The following ITGA9 variants were observed in gnomAD, a reference collection of about 807,000 sequenced individuals.
ITGA9 encodes integrin subunit alpha 9.
ITGA9 carries 56 observed loss-of-function variants against 127.8 expected under a neutral mutation model. That is an observed-to-expected ratio of 0.44 (90% CI 0.35 to 0.55). ITGA9 has a LOEUF of 0.55. Among genes scored for constraint, ITGA9 ranks in the 20% least tolerant of loss-of-function variants. The probability of loss-of-function intolerance (pLI) is 0.00; values close to 1 mark genes in which losing one functional copy is unlikely to be tolerated. For missense variants in ITGA9, 1,196 were observed against 1,347.1 expected (o/e 0.89, Z 1.76); for synonymous variants, 508 against 514.5 (o/e 0.99, Z 0.17).
chr3:37,610,918 T>G (rs1481064479), intron 15 of ITGA9, among the ~76,000 whole-genome samples: 1 of 152,310 alleles, frequency 6.6e-6, no homozygotes, highest in Non-Finnish European at 1.5e-5. Context: ...TGACACCATT[T>G]CTTTTGAGCT....
chr3:37,453,515 C>T (rs1311066008), intron 1 of ITGA9, among the ~76,000 whole-genome samples: 5 of 152,174 alleles, frequency 3.3e-5, no homozygotes, highest in Admixed American at 2.6e-4. Context: ...TATAAACAGC[C>T]ACACAGTGGT....
intron 1 of ITGA9, among the ~76,000 whole-genome samples, chr3:37,463,013 G>A (rs2125548655): frequency 6.6e-6 from 1 of 152,288 alleles, no homozygotes; most frequent in Non-Finnish European, 1.5e-5. Flanking sequence ...ACTCCACCAT[G>A]CCTGTCCCAT....
chr3:37,739,449 C>T (rs1423859563), intron 20 of ITGA9, among the ~76,000 whole-genome samples: 1 of 152,234 alleles, frequency 6.6e-6, no homozygotes, highest in East Asian at 1.9e-4. Context: ...TGACTCCCTG[C>T]TATGACGGAA....
intron 18 of ITGA9, among the ~76,000 whole-genome samples, chr3:37,695,853 A>G (rs1197737135): frequency 2.0e-5 from 3 of 152,240 alleles, no homozygotes; most frequent in Non-Finnish European, 4.4e-5. Flanking sequence ...TAAAATAAGA[A>G]ATGGGCATTT....
chr3:37,784,515 A>G (rs1270137146), intron 25 of ITGA9, among the ~76,000 whole-genome samples: 1 of 152,224 alleles, frequency 6.6e-6, no homozygotes, highest in African/African-American at 2.4e-5. Flanking sequence ...AAGAGCAAAG[A>G]AAGAGTTAAA....
intron 15 of ITGA9, among the ~76,000 whole-genome samples, chr3:37,596,809 GA>G (rs796780536): frequency 3.3e-5 from 5 of 152,194 alleles, no homozygotes; most frequent in South Asian, 2.1e-4. Flanking sequence ...CAGTGTGCCT[GA>G]AAAAAAGTCA....
rs1188544647 is a variant in ITGA9 at position 37,742,402 on chromosome 3, C to T, written c.2324+583C>T. Among the ~76,000 whole-genome samples, 3 of 152,174 alleles carry T rather than the reference C, an allele frequency of 2.0e-5. No individual in the cohort carries two copies. The East Asian group carries it at 5.8e-4, about 29-fold the overall frequency. On this transcript the variant is annotated intron_variant, in intron 21 of 27. Transcript: ENST00000264741. ...GCCACACTGTCTGTCTGGGTCAAGTCCACGGTCATTCAGTGCCGCTGGCAT... is the reference window on the plus strand; with the variant it reads ...GCCACACTGTCTGTCTGGGTCAAGTTCACGGTCATTCAGTGCCGCTGGCAT...
At chr3:37,636,269 T>C (rs1370160366) in intron 16 of ITGA9, among the ~76,000 whole-genome samples, 8 of 152,308 alleles carry the variant, frequency 5.3e-5, no homozygotes, top group African/African-American at 1.9e-4. Flanking sequence ...GTCTTCCTAT[T>C]TCTCCACATC....
chr3:37,742,492 A>G (rs1251417599), intron 21 of ITGA9, among the ~76,000 whole-genome samples: 1 of 152,220 alleles, frequency 6.6e-6, no homozygotes, highest in Non-Finnish European at 1.5e-5. Flanking sequence ...TCAGTTTTCA[A>G]CCAAAGCCCC....
At chr3:37,594,236 G>A (rs1165006499) in intron 15 of ITGA9, among the ~76,000 whole-genome samples, 2 of 152,226 alleles carry the variant, frequency 1.3e-5, no homozygotes, top group African/African-American at 4.8e-5. Context: ...CTGCCTGACT[G>A]GCAGTCTTCA....
At chr3:37,631,311 C>G (rs76492575) in intron 16 of ITGA9, among the ~76,000 whole-genome samples, 2,212 of 152,356 alleles carry the variant, frequency 0.015, 29 homozygotes, top group Non-Finnish European at 0.025. Context: ...TCCTGCAAGT[C>G]TGTCAGTGGC....
intron 19 of ITGA9, among the ~76,000 whole-genome samples, chr3:37,735,075 A>G (rs75904397): frequency 0.019 from 2,863 of 152,250 alleles, 83 homozygotes; most frequent in African/African-American, 0.065. Context: ...GCTAAGCCTC[A>G]TGGCTATACT....
chr3:37,490,276 C>T (rs1314595205), intron 4 of ITGA9, among the ~76,000 whole-genome samples: 1 of 152,064 alleles, frequency 6.6e-6, no homozygotes, highest in African/African-American at 2.4e-5. Context: ...CCAAAGAGAA[C>T]CAGGAAGTTA....
At chr3:37,697,473 T>C (rs891974725) in intron 18 of ITGA9, among the ~76,000 whole-genome samples, 2 of 152,152 alleles carry the variant, frequency 1.3e-5, no homozygotes, top group East Asian at 1.9e-4. Flanking sequence ...CTCCTAATGC[T>C]GTCCCTCCCC....
chr3:37,516,337 C>T (rs1384135610), intron 9 of ITGA9, among the ~76,000 whole-genome samples: 2 of 152,026 alleles, frequency 1.3e-5, no homozygotes, highest in African/African-American at 4.8e-5. Flanking sequence ...GCAAGGTGGA[C>T]CTGAGTTTGA....
intron 17 of ITGA9, among the ~76,000 whole-genome samples, chr3:37,676,682 A>G (rs1700685501): frequency 6.6e-6 from 1 of 152,220 alleles, no homozygotes; most frequent in Non-Finnish European, 1.5e-5. Context: ...ACTTGCAATA[A>G]TGTATCTTAA....
chr3:37,777,258 G>T, intron 23 of ITGA9, 134 bp from the exon 24 acceptor site: 1 of 996,114 alleles, frequency 1.0e-6, no homozygotes, highest in Non-Finnish European at 1.6e-6. Context: ...TTCAGCCATT[G>T]TTCTCCACTT....
intron 18 of ITGA9, among the ~76,000 whole-genome samples, chr3:37,713,656 C>T (rs1701102557): frequency 6.6e-6 from 1 of 152,220 alleles, no homozygotes; most frequent in Non-Finnish European, 1.5e-5. Context: ...AAATCTGAAC[C>T]TGCTGCCAAA....
At chr3:37,697,803 C>T (rs1700901421) in intron 18 of ITGA9, among the ~76,000 whole-genome samples, 1 of 152,152 alleles carries the variant, frequency 6.6e-6, no homozygotes, top group African/African-American at 2.4e-5. Context: ...CATACGTGTG[C>T]ATGTTCTTTA....
Sources: gnomAD v4.1 joint callset for allele counts (sites outside exome capture counted in the v4.1 genomes callset) on GRCh38, gnomAD v4.1.1 for gene constraint, MANE v1.5 for transcripts, NCBI Gene and HGNC (gene_info 2026-07-23, HGNC 2026-07-21) for gene names.